The following UGT1A3 variants were observed in gnomAD, a reference collection of about 807,000 sequenced individuals.
UGT1A3 encodes UDP-glucuronosyltransferase 1A3.
Under a neutral mutation model 41.0 loss-of-function variants are expected in UGT1A3, and 31 were observed. That is an observed-to-expected ratio of 0.76 (90% CI 0.57 to 1.02). The LOEUF is 1.02. Ranked by LOEUF, UGT1A3 falls within the 50% of genes least tolerant of loss-of-function variation. The pLI, the probability that UGT1A3 is intolerant of heterozygous loss-of-function variation, is 0.00. For missense variants in UGT1A3, 737 were observed against 671.0 expected (o/e 1.10, Z -1.09); for synonymous variants, 262 against 257.6 (o/e 1.02, Z -0.17).
At chr2:233,750,988 G>A (rs946459693) in intron 1 of UGT1A3, among the ~76,000 whole-genome samples, 12 of 151,852 alleles carry the variant, frequency 7.9e-5, no homozygotes, top group Non-Finnish European at 1.3e-4. Context: ...GTGAGAAGGC[G>A]GCCACCATCC....
chr2:233,756,036 T>G (rs1696097976), intron 1 of UGT1A3: 1 of 152,224 alleles, frequency 6.6e-6, no homozygotes, highest in Non-Finnish European at 1.5e-5. Context: ...CCATGTAGCT[T>G]CTGGAAAACT....
chr2:233,743,988 C>T (rs893316227), intron 1 of UGT1A3: 14 of 1,273,410 alleles, frequency 1.1e-5, no homozygotes, highest in Middle Eastern at 2.4e-4. Flanking sequence ...CAGGCGCAGG[C>T]CCGAGTGCTC....
At chr2:233,747,925 T>C in intron 1 of UGT1A3, 1 of 1,613,432 alleles carries the variant, frequency 6.2e-7, no homozygotes, top group South Asian at 1.1e-5. Flanking sequence ...GCCTCTGAGC[T>C]TTTTCAGAGG....
At chr2:233,743,553 T>TA in intron 1 of UGT1A3, 1 of 1,367,178 alleles carries the variant, frequency 7.3e-7, no homozygotes, top group Non-Finnish European at 9.8e-7. Context: ...CCCCCCAAAA[T>TA]ATTCTCCAGC....
intron 1 of UGT1A3, chr2:233,755,094 G>A (rs1173383438): frequency 1.5e-6 from 2 of 1,335,004 alleles, no homozygotes; most frequent in Non-Finnish European, 2.0e-6. Flanking sequence ...GCGTTTCTAC[G>A]CGTCCGACAA....
At chr2:233,743,209 T>C (rs879874451) in intron 1 of UGT1A3, 11 of 398,276 alleles carry the variant, frequency 2.8e-5, no homozygotes, top group Admixed American at 1.6e-4. Context: ...CAATGCGGAG[T>C]AACTGCTCTT....
intron 1 of UGT1A3, among the ~76,000 whole-genome samples, chr2:233,751,287 T>G (rs1462877412): frequency 6.6e-6 from 1 of 151,922 alleles, no homozygotes; most frequent in Admixed American, 6.5e-5. Context: ...GTTTCTCCCA[T>G]TTGGAATGGG....
At chr2:233,747,507 C>A in intron 1 of UGT1A3, 2 of 1,608,136 alleles carry the variant, frequency 1.2e-6, no homozygotes, top group South Asian at 2.2e-5. Flanking sequence ...CCACACTCAA[C>A]TGTACTTTGA....
At chr2:233,754,114 G>A (rs1442882252) in intron 1 of UGT1A3, among the ~76,000 whole-genome samples, 1 of 152,128 alleles carries the variant, frequency 6.6e-6, no homozygotes, top group Non-Finnish European at 1.5e-5. Flanking sequence ...CCTACATCAC[G>A]AGCATTTATG....
intron 1 of UGT1A3, chr2:233,754,615 C>G (rs1360410521): frequency 2.3e-6 from 1 of 438,040 alleles, no homozygotes; most frequent in Non-Finnish European, 4.6e-6. Context: ...TCTCCATCTT[C>G]CTCCACTTCC....
intron 1 of UGT1A3, among the ~76,000 whole-genome samples, chr2:233,730,211 C>G (rs186476397): frequency 6.6e-6 from 1 of 152,112 alleles, no homozygotes; most frequent in East Asian, 1.9e-4. Flanking sequence ...GAAGTAGACA[C>G]GAATGTTTGT....
chr2:233,747,014 C>A (rs774665109), intron 1 of UGT1A3, among the ~76,000 whole-genome samples: 1 of 151,838 alleles, frequency 6.6e-6, no homozygotes, highest in Non-Finnish European at 1.5e-5. Context: ...TAGGAGTGAT[C>A]GGTCTTTCCC....
At chr2:233,760,733 T>G in intron 1 of UGT1A3, 1 of 1,614,214 alleles carries the variant, frequency 6.2e-7, no homozygotes, top group South Asian at 1.1e-5. Context: ...GATGTCATGC[T>G]GACGGACCCT....
chr2:233,757,196 T>A (rs1166696212), intron 1 of UGT1A3, among the ~76,000 whole-genome samples: 4 of 150,888 alleles, frequency 2.7e-5, no homozygotes, highest in Admixed American at 6.6e-5. Flanking sequence ...CTCTGAATTT[T>A]CTGTGCCCAG....
At chr2:233,731,346 T>C (rs1050740292) in intron 1 of UGT1A3, among the ~76,000 whole-genome samples, 9 of 151,806 alleles carry the variant, frequency 5.9e-5, no homozygotes, top group African/African-American at 2.2e-4. Flanking sequence ...GCAGGTTTGA[T>C]ACATAGGTAT....
intron 1 of UGT1A3, among the ~76,000 whole-genome samples, chr2:233,735,339 T>G (rs1056442673): frequency 6.6e-6 from 1 of 151,862 alleles, no homozygotes; most frequent in Non-Finnish European, 1.5e-5. Context: ...AACCCCTGCT[T>G]TTTTTTTGCT....
chr2:233,743,068 G>A (rs397839835), intron 1 of UGT1A3: 3 of 339,878 alleles, frequency 8.8e-6, no homozygotes, highest in South Asian at 7.2e-5. Flanking sequence ...AAGAACAGGT[G>A]TTGGCATGAA....
chr2:233,743,525 C>T (rs1559387146), intron 1 of UGT1A3: 1 of 1,367,234 alleles, frequency 7.3e-7, no homozygotes, highest in Non-Finnish European at 9.8e-7. Flanking sequence ...CTTCTGCTTC[C>T]CCAGCAGTTC....
chr2:233,746,864 A>G (rs1693495912), intron 1 of UGT1A3, among the ~76,000 whole-genome samples: 1 of 151,076 alleles, frequency 6.6e-6, no homozygotes, highest in South Asian at 2.1e-4. Flanking sequence ...CTGCAGCCTG[A>G]TAAACGTGGT....
Sources: allele counts gnomAD v4.1 joint callset (sites outside exome capture counted in the v4.1 genomes callset), GRCh38; gene constraint gnomAD v4.1.1; transcripts MANE v1.5; gene names NCBI Gene and HGNC (gene_info 2026-07-23, HGNC 2026-07-21).